The following NOS1AP variants were observed in gnomAD, a reference collection of about 807,000 sequenced individuals.
NOS1AP encodes nitric oxide synthase 1 adaptor protein.
A neutral mutation model predicts 56.2 loss-of-function variants in NOS1AP; 21 were observed. The observed-to-expected ratio is 0.37, with a 90% CI of 0.26 to 0.54. The LOEUF (loss-of-function observed/expected upper bound fraction) is 0.54, where lower values mean the gene tolerates loss of function less well. NOS1AP is among the 20% of genes least tolerant of loss of function. The pLI is 0.84. For synonymous variants in NOS1AP, 270 were observed against 274.6 expected, an observed-to-expected ratio of 0.98 and a Z score of 0.17; for missense variants, 522 against 657.8, an observed-to-expected ratio of 0.79 and a Z score of 2.26.
intron 1 of NOS1AP, among the ~76,000 whole-genome samples, chr1:162,153,790 A>G (rs979162813): frequency 6.6e-6 from 1 of 152,194 alleles, no homozygotes; most frequent in African/African-American, 2.4e-5. Flanking sequence ...ATATTTCTGC[A>G]TTATTTGAAT....
intron 2 of NOS1AP, among the ~76,000 whole-genome samples, chr1:162,286,140 G>A (rs377024698): frequency 5.9e-5 from 9 of 152,326 alleles, no homozygotes; most frequent in African/African-American, 2.2e-4. Context: ...GTGAAGAGAA[G>A]GTTCTGGATT....
chr1:162,085,267 T>C (rs1015663810), intron 1 of NOS1AP, among the ~76,000 whole-genome samples: 5 of 152,102 alleles, frequency 3.3e-5, no homozygotes, highest in Non-Finnish European at 7.4e-5. Flanking sequence ...GCTTGTTTTA[T>C]GTATAATGTC....
intron 3 of NOS1AP, among the ~76,000 whole-genome samples, chr1:162,294,194 A>AGGCAG (rs1310399662): frequency 7.4e-5 from 2 of 26,948 alleles, no homozygotes; most frequent in Admixed American, 5.6e-4. Flanking sequence ...GAAGGAAGGA[A>AGGCAG]GTAAGGAAGG....
intron 1 of NOS1AP, among the ~76,000 whole-genome samples, chr1:162,105,894 G>T (rs75745570): frequency 0.026 from 3,962 of 152,330 alleles, 81 homozygotes; most frequent in Non-Finnish European, 0.041. Flanking sequence ...CTCAATCCAC[G>T]TGGTGCTGTG....
intron 1 of NOS1AP, among the ~76,000 whole-genome samples, chr1:162,135,105 G>C (rs1391108216): frequency 2.0e-5 from 3 of 152,192 alleles, no homozygotes; most frequent in African/African-American, 7.2e-5. Flanking sequence ...TTAGGTGTTT[G>C]CCTTTCTGTG....
At chr1:162,163,882 GACT>G (rs1295297411) in intron 2 of NOS1AP, among the ~76,000 whole-genome samples, 1 of 152,152 alleles carries the variant, frequency 6.6e-6, no homozygotes, top group Admixed American at 6.5e-5. Flanking sequence ...ATCTGCACCA[GACT>G]GAAAAGTCAC....
chr1:162,253,203 T>G (rs1357933961), intron 2 of NOS1AP, among the ~76,000 whole-genome samples: 1 of 152,150 alleles, frequency 6.6e-6, no homozygotes, highest in East Asian at 1.9e-4. Context: ...TCTCTTGCCC[T>G]CTCCACACTT....
chr1:162,190,935 G>GA, intron 2 of NOS1AP, among the ~76,000 whole-genome samples: 1 of 152,230 alleles, frequency 6.6e-6, no homozygotes, highest in Middle Eastern at 3.4e-3. Flanking sequence ...GAGAGCAGTG[G>GA]AAGAGGGATG....
intron 1 of NOS1AP, among the ~76,000 whole-genome samples, chr1:162,108,384 T>A (rs891680519): frequency 3.9e-5 from 6 of 152,140 alleles, no homozygotes; most frequent in Admixed American, 1.3e-4. Context: ...TTTAAATACA[T>A]GAGTTTGTAG....
intron 3 of NOS1AP, among the ~76,000 whole-genome samples, chr1:162,297,465 A>G (rs1655502135): frequency 6.6e-6 from 1 of 152,200 alleles, no homozygotes; most frequent in Admixed American, 6.5e-5. Context: ...TTTCTTTGAA[A>G]TGTCAGGGGA....
intron 3 of NOS1AP, among the ~76,000 whole-genome samples, chr1:162,293,074 C>T (rs551219377): frequency 3.9e-5 from 6 of 152,254 alleles, no homozygotes; most frequent in African/African-American, 1.4e-4. Context: ...GAATTGTGCA[C>T]ATGGGAGGAT....
chr1:162,191,290 C>T (rs1299957800), intron 2 of NOS1AP, among the ~76,000 whole-genome samples: 1 of 152,188 alleles, frequency 6.6e-6, no homozygotes, highest in East Asian at 1.9e-4. Flanking sequence ...GAGGATCTTC[C>T]TGCCCTGGCC....
intron 1 of NOS1AP, among the ~76,000 whole-genome samples, chr1:162,092,051 GAA>G (rs1048915609): frequency 1.2e-4 from 19 of 152,316 alleles, no homozygotes; most frequent in African/African-American, 4.1e-4. Flanking sequence ...ACAAAGAGAT[GAA>G]AGTGACTAGT....
At chr1:162,072,797 C>G (rs1003519210) in intron 1 of NOS1AP, among the ~76,000 whole-genome samples, 24 of 152,226 alleles carry the variant, frequency 1.6e-4, no homozygotes, top group African/African-American at 4.8e-4. Context: ...TTTCCACATC[C>G]CTGCAGAGCA....
chr1:162,300,758 G>T (rs756139578), intron 4 of NOS1AP, 52 bp downstream of exon 4: 15 of 1,489,642 alleles, frequency 1.0e-5, no homozygotes, highest in Middle Eastern at 1.7e-4. Context: ...GAGTCCTCCT[G>T]CCCCCTACAG....
At chr1:162,247,113 G>A (rs1219127404) in intron 2 of NOS1AP, among the ~76,000 whole-genome samples, 2 of 152,222 alleles carry the variant, frequency 1.3e-5, no homozygotes, top group Admixed American at 6.5e-5. Flanking sequence ...ATAGAAACCT[G>A]TATATATAGA....
intron 2 of NOS1AP, among the ~76,000 whole-genome samples, chr1:162,242,813 T>A (rs1169683376): frequency 6.6e-6 from 1 of 152,134 alleles, no homozygotes; most frequent in Non-Finnish European, 1.5e-5. Flanking sequence ...AAATTGCTAG[T>A]CTTCAGCAGT....
chr1:162,265,780 A>C (rs1213106440), intron 2 of NOS1AP, among the ~76,000 whole-genome samples: 1 of 152,204 alleles, frequency 6.6e-6, no homozygotes, highest in Non-Finnish European at 1.5e-5. Context: ...TGACTATATT[A>C]CTGTTAGGCT....
At chr1:162,276,654 G>A (rs929621369) in intron 2 of NOS1AP, among the ~76,000 whole-genome samples, 2 of 152,102 alleles carry the variant, frequency 1.3e-5, no homozygotes, top group Non-Finnish European at 2.9e-5. Flanking sequence ...GCCCAGGCTG[G>A]GAACCATGGT....
Sources: gnomAD v4.1 joint callset for allele counts (sites outside exome capture counted in the v4.1 genomes callset) on GRCh38, gnomAD v4.1.1 for gene constraint, MANE v1.5 for transcripts, NCBI Gene and HGNC (gene_info 2026-07-23, HGNC 2026-07-21) for gene names.